Variants in CDH10 observed in about 807,000 individuals in gnomAD.
CDH10 encodes the protein cadherin-10.
In CDH10, 30 loss-of-function variants were observed where a neutral mutation model predicts 73.1. That is an observed-to-expected ratio of 0.41 (90% CI 0.31 to 0.56). CDH10 has a LOEUF of 0.56. CDH10 is among the 20% of genes least tolerant of loss of function. The pLI, the probability that CDH10 is intolerant of heterozygous loss-of-function variation, is 0.27. For synonymous variants in CDH10, 345 were observed against 348.2 expected, an observed-to-expected ratio of 0.99 and a Z score of 0.10; for missense variants, 815 against 973.7, an observed-to-expected ratio of 0.84 and a Z score of 2.17.
intron 2 of CDH10, among the ~76,000 whole-genome samples, chr5:24,564,669 C>A (rs1170296439): frequency 6.6e-6 from 1 of 152,136 alleles, no homozygotes; most frequent in Admixed American, 6.6e-5. Flanking sequence ...AATTGCTACC[C>A]AATAGCACAA....
chr5:24,572,212 A>T (rs1745410086), intron 2 of CDH10, among the ~76,000 whole-genome samples: 1 of 152,174 alleles, frequency 6.6e-6, no homozygotes, highest in Non-Finnish European at 1.5e-5. Flanking sequence ...AGAGCTAGAG[A>T]AGTGAAGTCC....
intron 8 of CDH10, 113 bp from the exon 9 acceptor site, chr5:24,498,632 C>T (rs1742379216): frequency 3.0e-6 from 2 of 671,604 alleles, no homozygotes; most frequent in African/African-American, 1.8e-5. Flanking sequence ...GCATTGCAAT[C>T]ATTCTACTAA....
intron 2 of CDH10, among the ~76,000 whole-genome samples, chr5:24,576,535 C>A (rs1745604298): frequency 6.6e-6 from 1 of 151,996 alleles, no homozygotes; most frequent in African/African-American, 2.4e-5. Context: ...AGTAAAAGTG[C>A]TCAAAACCCA....
At chr5:24,541,861 A>G (rs1375134154) in intron 2 of CDH10, among the ~76,000 whole-genome samples, 1 of 152,104 alleles carries the variant, frequency 6.6e-6, no homozygotes, top group Non-Finnish European at 1.5e-5. Context: ...GGCAAGATAC[A>G]TGACAACTAA....
At chr5:24,560,983 C>T (rs1028844960) in intron 2 of CDH10, among the ~76,000 whole-genome samples, 6 of 152,074 alleles carry the variant, frequency 3.9e-5, no homozygotes, top group African/African-American at 1.2e-4. Flanking sequence ...TTATAGGCCA[C>T]TTCCCTAAGC....
chr5:24,535,429 T>A, intron 4 of CDH10, 150 bp from the exon 5 acceptor site: 1 of 809,574 alleles, frequency 1.2e-6, no homozygotes, highest in South Asian at 1.8e-5. Flanking sequence ...ATAAAAGTGA[T>A]TCTGCGGAAA....
At chr5:24,536,692 A>G (rs954744218) in intron 3 of CDH10, among the ~76,000 whole-genome samples, 7 of 152,008 alleles carry the variant, frequency 4.6e-5, no homozygotes, top group African/African-American at 1.2e-4. Context: ...TACATTGAAA[A>G]GAGAAATTCT....
At position 24,518,884 on chromosome 5, in the gene CDH10, CTTTT is replaced by C. The variant is rs36019861; in HGVS notation, c.815-7374_815-7371del. 5.7e-3 allele frequency among the ~76,000 whole-genome samples: 445 copies of C among 77,450 alleles called. 4 individuals carry two copies. The highest frequency in any genetic ancestry group is 0.021 in the African/African-American group (419 of 19,782). 50.8% of individuals were successfully genotyped at this position (77,450 alleles called of 152,430 possible). A position where few individuals can be genotyped will look rare whatever the true frequency, so the allele number is the denominator to read the frequency against. On this transcript the variant is annotated intron_variant, in intron 5 of 11. Transcript: ENST00000264463. ...TAATTTTGATTTTTTGACATGTGCA[CTTTT>C]TTTTTTTTTTTTTTTTTTTTGAGAC...
chr5:24,551,352 T>C (rs551289097), intron 2 of CDH10, among the ~76,000 whole-genome samples: 31 of 152,354 alleles, frequency 2.0e-4, no homozygotes, highest in Non-Finnish European at 3.4e-4. Flanking sequence ...AGATACTTTA[T>C]ATATTCTGAT....
chr5:24,518,595 T>G (rs1743196209), intron 5 of CDH10, among the ~76,000 whole-genome samples: 1 of 152,066 alleles, frequency 6.6e-6, no homozygotes, highest in Non-Finnish European at 1.5e-5. Flanking sequence ...AAAATAAACT[T>G]TTGAAATTTT....
At chr5:24,549,495 T>G (rs1054739446) in intron 2 of CDH10, among the ~76,000 whole-genome samples, 1 of 150,078 alleles carries the variant, frequency 6.7e-6, no homozygotes, top group African/African-American at 2.4e-5. Context: ...GCAGCAAAAG[T>G]GGGTAATAGT....
intron 1 of CDH10, among the ~76,000 whole-genome samples, chr5:24,616,434 AG>A (rs1747130665): frequency 6.6e-6 from 1 of 152,164 alleles, no homozygotes; most frequent in African/African-American, 2.4e-5. Flanking sequence ...TTAGGTTAAA[AG>A]GTAAAAAAAG....
At chr5:24,510,760 T>G (rs1416755894) in intron 6 of CDH10, among the ~76,000 whole-genome samples, 1 of 152,214 alleles carries the variant, frequency 6.6e-6, no homozygotes, top group Non-Finnish European at 1.5e-5. Context: ...GTGCCTTATT[T>G]TTTTCTCATA....
intron 2 of CDH10, among the ~76,000 whole-genome samples, chr5:24,586,112 A>G (rs1745983975): frequency 6.6e-6 from 1 of 152,226 alleles, no homozygotes; most frequent in African/African-American, 2.4e-5. Context: ...AAAATTTGAT[A>G]TAATAGTATA....
intron 2 of CDH10, among the ~76,000 whole-genome samples, chr5:24,567,373 G>A (rs768760309): frequency 6.6e-6 from 1 of 151,240 alleles, no homozygotes; most frequent in Non-Finnish European, 1.5e-5. Flanking sequence ...GAAACTGTAT[G>A]TGCACAAAAG....
intron 2 of CDH10, among the ~76,000 whole-genome samples, chr5:24,541,898 T>C (rs141857787): frequency 6.6e-6 from 1 of 152,108 alleles, no homozygotes; most frequent in Non-Finnish European, 1.5e-5. Context: ...GGTACTGCAC[T>C]GCACATTTAA....
intron 2 of CDH10, among the ~76,000 whole-genome samples, chr5:24,579,163 G>A (rs1411211244): frequency 1.3e-5 from 2 of 151,690 alleles, no homozygotes; most frequent in Non-Finnish European, 2.9e-5. Flanking sequence ...TGATTAAAAG[G>A]CAATTCCTTC....
chr5:24,543,570 T>G (rs966279265), intron 2 of CDH10, among the ~76,000 whole-genome samples: 1 of 152,142 alleles, frequency 6.6e-6, no homozygotes, highest in Non-Finnish European at 1.5e-5. Flanking sequence ...AAATGTAGAA[T>G]GTGGCAAATA....
chr5:24,560,700 G>A (rs1004395882), intron 2 of CDH10, among the ~76,000 whole-genome samples: 1 of 151,974 alleles, frequency 6.6e-6, no homozygotes, highest in Non-Finnish European at 1.5e-5. Flanking sequence ...ATCTATGCTG[G>A]AGTTGAAACT....
Sources: gnomAD v4.1 joint callset for allele counts (sites outside exome capture counted in the v4.1 genomes callset) on GRCh38, gnomAD v4.1.1 for gene constraint, MANE v1.5 for transcripts, NCBI Gene and HGNC (gene_info 2026-07-23, HGNC 2026-07-21) for gene names.